COL22A1: variants seen among roughly 807,000 people sequenced by gnomAD.
The protein encoded by COL22A1 is collagen alpha-1(XXII) chain.
Under a neutral mutation model 248.9 loss-of-function variants are expected in COL22A1, and 221 were observed. The observed-to-expected ratio is 0.89, with a 90% CI of 0.80 to 0.99. The LOEUF (loss-of-function observed/expected upper bound fraction) is 0.99, where lower values mean the gene tolerates loss of function less well. Among genes scored for constraint, COL22A1 ranks in the 50% least tolerant of loss-of-function variants. The pLI is 0.00. For missense variants in COL22A1, 2,240 were observed against 2,179.0 expected, an observed-to-expected ratio of 1.03 and a Z score of -0.56; for synonymous variants, 891 against 793.4, an observed-to-expected ratio of 1.12 and a Z score of -2.07.
At chr8:138,803,083 ACCCCTGGAGAGGAGGAAGCATCTAAGT>A (rs1458948784) in intron 10 of COL22A1, 149 bp from the exon 11 acceptor site, 1 of 692,928 alleles carries the variant, frequency 1.4e-6, no homozygotes, top group Non-Finnish European at 2.6e-6. Context: ...CACATGTCCC[ACCCCTGGAGAGGAGGAAGCATCTAAGT>A]CATCTCCCAA....
At chr8:138,827,085 A>C (rs1208586614) in intron 5 of COL22A1, 4 of 351,916 alleles carry the variant, frequency 1.1e-5, no homozygotes, top group Non-Finnish European at 2.2e-5. Flanking sequence ...TAAACGCTAA[A>C]TGGTCACGCC....
At chr8:138,724,954 C>T (rs546698683) in intron 24 of COL22A1, among the ~76,000 whole-genome samples, 29 of 152,336 alleles carry the variant, frequency 1.9e-4, no homozygotes, top group East Asian at 1.6e-3. Context: ...TGACCCACTC[C>T]GTAGGTGGGT....
chr8:138,848,573 G>A (rs1821414618), intron 3 of COL22A1, among the ~76,000 whole-genome samples: 1 of 152,200 alleles, frequency 6.6e-6, no homozygotes, highest in Non-Finnish European at 1.5e-5. Context: ...GGTTCTGTCT[G>A]CAGAACACAC....
At chr8:138,864,338 A>G (rs1337395642) in intron 3 of COL22A1, among the ~76,000 whole-genome samples, 2 of 151,774 alleles carry the variant, frequency 1.3e-5, no homozygotes, top group Admixed American at 6.6e-5. Flanking sequence ...TTGATCTTAT[A>G]TATCAGGGGG....
chr8:138,862,040 A>AAAAAAAAAAAAAAAAAG (rs1822515998), intron 3 of COL22A1, among the ~76,000 whole-genome samples: 1 of 146,954 alleles, frequency 6.8e-6, no homozygotes, highest in African/African-American at 2.6e-5. Flanking sequence ...AAAAAAAAAA[A>AAAAAAAAAAAAAAAAAG]AAAAAAAGAA....
intron 10 of COL22A1, among the ~76,000 whole-genome samples, chr8:138,804,550 G>A (rs1227315244): frequency 2.6e-5 from 4 of 152,304 alleles, no homozygotes; most frequent in Middle Eastern, 3.4e-3. Context: ...CGTCACAGCC[G>A]AGAATCGAGG....
intron 22 of COL22A1, among the ~76,000 whole-genome samples, chr8:138,748,897 A>T (rs922715692): frequency 3.3e-5 from 5 of 152,194 alleles, no homozygotes; most frequent in Admixed American, 6.5e-5. Context: ...CCCAAATCTC[A>T]TCTTGACTCC....
chr8:138,882,694 ACT>A (rs200668549), intron 2 of COL22A1, among the ~76,000 whole-genome samples: 2,328 of 148,264 alleles, frequency 0.016, 31 homozygotes, highest in Non-Finnish European at 0.023. Flanking sequence ...ACTCCCACAC[ACT>A]TTGTCAAACA....
At chr8:138,844,293 G>A in intron 3 of COL22A1, 135 bp from the exon 4 acceptor site, 1 of 774,466 alleles carries the variant, frequency 1.3e-6, no homozygotes, top group Non-Finnish European at 2.3e-6. Context: ...AGATGCAGAG[G>A]CAGCTGGCAT....
chr8:138,790,196 A>C (rs904858269), intron 12 of COL22A1, among the ~76,000 whole-genome samples: 14 of 152,296 alleles, frequency 9.2e-5, no homozygotes, highest in Admixed American at 7.8e-4. Flanking sequence ...TGTCAGGTGA[A>C]GGCCTGCTTT....
chr8:138,717,621 T>TCATA (rs1554600134), intron 27 of COL22A1, among the ~76,000 whole-genome samples: 3 of 151,872 alleles, frequency 2.0e-5, no homozygotes, highest in Non-Finnish European at 4.4e-5. Flanking sequence ...ATACCACCAC[T>TCATA]CACAAATGAT....
At chr8:138,856,771 C>T (rs934545326) in intron 3 of COL22A1, among the ~76,000 whole-genome samples, 5 of 152,168 alleles carry the variant, frequency 3.3e-5, no homozygotes, top group African/African-American at 1.2e-4. Flanking sequence ...GGGACACACT[C>T]CCAGGATGGC....
rs1455840098 is a variant in COL22A1 at position 138,660,933 on chromosome 8, CAGACACACACAT to C, written c.3241-465_3241-454del. Among the ~76,000 whole-genome samples, 159 of 103,562 alleles carry C rather than the reference CAGACACACACAT, an allele frequency of 1.5e-3. 2 individuals carry two copies. The highest frequency in any genetic ancestry group is 0.014 in the Middle Eastern group (3 of 220). 67.9% of individuals were successfully genotyped at this position (103,562 alleles called of 152,430 possible). On this transcript the variant is annotated intron_variant, in intron 43 of 64. Coordinates refer to ENST00000303045, the MANE Select transcript of COL22A1 (RefSeq NM_152888.3). ...ATACACAGACACACACACAGACACA[CAGACACACACAT>C]AAACACACAGACACACACGCACACA...
intron 3 of COL22A1, among the ~76,000 whole-genome samples, chr8:138,856,439 A>G (rs1170808944): frequency 6.6e-6 from 1 of 152,108 alleles, no homozygotes; most frequent in East Asian, 1.9e-4. Flanking sequence ...AGAGAGACAG[A>G]GAGGGAGAAG....
Position 138,833,118 on chromosome 8 carries a change from CCT to C in COL22A1, c.764_765del (p.Lys255ArgfsTer27), listed in dbSNP as rs777168785. On this transcript the variant is annotated frameshift_variant, in exon 5 of 65. Coordinates refer to ENST00000303045, the MANE Select transcript of COL22A1 (RefSeq NM_152888.3). LOFTEE classifies it high-confidence loss of function. ...CCATTCTCTCTCTTCCCCAAGATTTCCTTCACACTGAACAAATCCATCAGGTC... is the reference window on the plus strand; with the variant it reads ...CCATTCTCTCTCTTCCCCAAGATTTCTCACACTGAACAAATCCATCAGGTC... Reference protein sequence around the residue: ...GFDLMDLFSVKEILGKRENGA... With the variant: ...GFDLMDLFSVXEILGKRENGA... 2.5e-6 allele frequency: 4 copies of C among 1,613,670 alleles called. No individual in the cohort carries two copies. In the Admixed American group the frequency reaches 6.7e-5, roughly 27 times the overall value.
chr8:138,690,965 C>A (rs1005174320), intron 35 of COL22A1, 91 bp from the exon 36 acceptor site: 10 of 1,013,616 alleles, frequency 9.9e-6, no homozygotes, highest in Non-Finnish European at 1.4e-5. Context: ...ATACTCAATT[C>A]ACCGCAATGT....
intron 3 of COL22A1, among the ~76,000 whole-genome samples, chr8:138,859,924 C>A (rs190807376): frequency 3.9e-5 from 6 of 152,332 alleles, no homozygotes; most frequent in African/African-American, 1.2e-4. Flanking sequence ...CTCCTCCAAG[C>A]AGCATCCCTT....
Position 138,778,549 on chromosome 8 carries a change from G to A in COL22A1, c.1705-143C>T, listed in dbSNP as rs200005905. 4.7e-5 allele frequency: 32 copies of A among 684,066 alleles called. No homozygotes were observed. The East Asian group carries it at 8.8e-4, about 19-fold the overall frequency. 42.4% of individuals were successfully genotyped at this position (684,066 alleles called of 1,614,324 possible). A position where few individuals can be genotyped will look rare whatever the true frequency, so the allele number is the denominator to read the frequency against. ...AGTGCTGCCCATGCTGTTGGCACAG[G>A]TCTCGCCAGCAGACACTCCCTCGAC... On this transcript the variant is annotated intron_variant, in intron 14 of 64. Transcript: ENST00000303045.
At chr8:138,804,911 G>C (rs940321893) in intron 10 of COL22A1, among the ~76,000 whole-genome samples, 8 of 149,266 alleles carry the variant, frequency 5.4e-5, no homozygotes, top group Admixed American at 2.7e-4. Context: ...GTGGGTGTGT[G>C]ATGGGGTGTG....
Sources: allele counts gnomAD v4.1 joint callset (sites outside exome capture counted in the v4.1 genomes callset), GRCh38; gene constraint gnomAD v4.1.1; transcripts MANE v1.5; gene names NCBI Gene and HGNC (gene_info 2026-07-23, HGNC 2026-07-21).